Variants in ERN1 observed in about 807,000 individuals in gnomAD.
ERN1 encodes the protein endoplasmic reticulum to nucleus signaling 1.
A neutral mutation model predicts 113.1 loss-of-function variants in ERN1; 39 were observed. That is an observed-to-expected ratio of 0.34 (90% CI 0.27 to 0.45). ERN1 has a LOEUF of 0.45. Ranked by LOEUF, ERN1 falls within the 20% of genes least tolerant of loss-of-function variation. The probability of loss-of-function intolerance (pLI) is 1.00; values close to 1 mark genes in which losing one functional copy is unlikely to be tolerated. For missense variants in ERN1, 976 were observed against 1,274.8 expected, an observed-to-expected ratio of 0.77 and a Z score of 3.57; for synonymous variants, 507 against 515.9, an observed-to-expected ratio of 0.98 and a Z score of 0.23.
intron 1 of ERN1, among the ~76,000 whole-genome samples, chr17:64,127,377 T>C (rs1598096122): frequency 6.6e-6 from 1 of 152,336 alleles, no homozygotes; most frequent in Middle Eastern, 3.4e-3. Context: ...TTACATTTAT[T>C]ATCTATTAAG....
intron 17 of ERN1, among the ~76,000 whole-genome samples, chr17:64,051,609 A>G (rs1298352056): frequency 1.3e-5 from 2 of 152,258 alleles, no homozygotes; most frequent in African/African-American, 4.8e-5. Context: ...ACAAACCAGA[A>G]TGGGGCATCC....
intron 1 of ERN1, among the ~76,000 whole-genome samples, chr17:64,106,733 C>CACAT (rs1299896097): frequency 1.4e-5 from 2 of 142,766 alleles, no homozygotes; most frequent in South Asian, 2.1e-4. Flanking sequence ...CACACACACA[C>CACAT]ACACACACAC....
At chr17:64,079,847 G>T in intron 3 of ERN1, 113 bp from the exon 4 acceptor site, 1 of 776,642 alleles carries the variant, frequency 1.3e-6, no homozygotes, top group Non-Finnish European at 2.2e-6. Flanking sequence ...GTGGTTGTGT[G>T]TAGGTGTATA....
intron 1 of ERN1, among the ~76,000 whole-genome samples, chr17:64,122,148 G>A (rs775384593): frequency 1.3e-5 from 2 of 152,184 alleles, no homozygotes; most frequent in Non-Finnish European, 2.9e-5. Context: ...TTCAAAGGGA[G>A]GTAGGAGGAT....
Position 64,054,681 on chromosome 17 carries a change from C to A in ERN1, c.1763+57G>T. On this transcript the variant is annotated intron_variant, in intron 14 of 21. Coordinates refer to ENST00000433197, the MANE Select transcript of ERN1 (RefSeq NM_001433.5). This position sits in a 1 kb window ranked among gnomAD's most constrained non-coding sequence, Gnocchi z 4.9. ...TCTGAGCCTGGCACCAGGCTCGCAA[C>A]CTGACAGGCACTTAGACACCAGGCG... is the stretch of plus-strand genomic sequence containing the variant. The A allele has an allele frequency of 7.1e-7, 1 of 1,405,156 alleles. No individual in the cohort carries two copies. The highest frequency in any genetic ancestry group is 2.0e-5 in the Admixed American group (1 of 48,974). 87.0% of individuals were successfully genotyped at this position (1,405,156 alleles called of 1,614,324 possible). A position where few individuals can be genotyped will look rare whatever the true frequency, so the allele number is the denominator to read the frequency against.
rs1957309415 is a variant in ERN1, at chr17:64,045,259, G to A, written c.2653+100C>T. ...GTCTCAAACCTGACAGGTGGGATGT[G>A]GGGCCTGAACAGCCTGGAGCGGCCA... On this transcript the variant is annotated intron_variant, in intron 20 of 21. Coordinates refer to ENST00000433197, the MANE Select transcript of ERN1 (RefSeq NM_001433.5). 6 of 1,388,412 alleles carry A rather than the reference G, an allele frequency of 4.3e-6. No homozygotes were observed. In the Admixed American group the frequency reaches 7.3e-5, roughly 17 times the overall value. 86.0% of individuals were successfully genotyped at this position (1,388,412 alleles called of 1,614,324 possible). A position where few individuals can be genotyped will look rare whatever the true frequency, so the allele number is the denominator to read the frequency against.
chr17:64,054,860 A>C lies in ERN1; in HGVS notation c.1673-32T>G. On this transcript the variant is annotated intron_variant, in intron 13 of 21. Coordinates refer to ENST00000433197, the MANE Select transcript of ERN1 (RefSeq NM_001433.5). This position sits in a 1 kb window ranked among gnomAD's most constrained non-coding sequence, Gnocchi z 4.9. ...CAAAATAGGAAAAAGAGATTGTTTC[A>C]AACAGATATCACCTAAAGAACCTTG... 1.3e-6 allele frequency: 2 copies of C among 1,497,876 alleles called. No individual in the cohort carries two copies. The highest frequency in any genetic ancestry group is 1.8e-5 in the Admixed American group (1 of 54,242). The allele number at this position is 1,497,876 out of a possible 1,614,324, so 92.8% of individuals were successfully genotyped here. A position where few individuals can be genotyped will look rare whatever the true frequency, so the allele number is the denominator to read the frequency against.
chr17:64,108,509 A>C (rs1225666125), intron 1 of ERN1, among the ~76,000 whole-genome samples: 3 of 152,176 alleles, frequency 2.0e-5, no homozygotes, highest in African/African-American at 7.2e-5. Context: ...GTCCCTCAGG[A>C]TACCTGGGGA....
chr17:64,044,979 T>C lies in ERN1; in HGVS notation c.2654-52A>G. The stretch of plus-strand genomic sequence containing the variant: ...GGTAATCAAATTTAAAACTAATACA[T>C]TTTAAAAGAAAACAATTCATGGGGT... On this transcript the variant is annotated intron_variant, in intron 20 of 21. Coordinates refer to ENST00000433197, the MANE Select transcript of ERN1 (RefSeq NM_001433.5). The surrounding 1 kb of genome is among the most constrained non-coding windows in gnomAD (Gnocchi z 4.1). The C allele has an allele frequency of 1.5e-6, 2 of 1,307,294 alleles. No homozygotes were observed. Among genetic ancestry groups the C allele is most frequent in the Non-Finnish European group, 2.2e-6 (2 of 923,456 alleles). 81.0% of individuals were successfully genotyped at this position (1,307,294 alleles called of 1,614,324 possible).
intron 1 of ERN1, among the ~76,000 whole-genome samples, chr17:64,101,804 G>A (rs902805908): frequency 1.3e-5 from 2 of 152,126 alleles, no homozygotes; most frequent in Non-Finnish European, 2.9e-5. Context: ...TGAACTAAGT[G>A]CCCCCAAGTA....
intron 18 of ERN1, 106 bp from the exon 19 acceptor site, chr17:64,048,091 C>G: frequency 9.6e-7 from 1 of 1,045,176 alleles, no homozygotes; most frequent in East Asian, 2.6e-5. Flanking sequence ...ATTCTATTTA[C>G]AGGAATTTAT....
intron 2 of ERN1, among the ~76,000 whole-genome samples, chr17:64,096,474 A>G: frequency 6.6e-6 from 1 of 152,206 alleles, no homozygotes; most frequent in East Asian, 1.9e-4. Context: ...TAATTATTTC[A>G]TTCTACATTA....
intron 1 of ERN1, among the ~76,000 whole-genome samples, chr17:64,100,486 T>C (rs1914355847): frequency 6.6e-6 from 1 of 152,044 alleles, no homozygotes; most frequent in African/African-American, 2.4e-5. Context: ...AAAGTGGAAA[T>C]AAGGCCAGGC....
At chr17:64,075,372 G>C in intron 4 of ERN1, 125 bp from the exon 5 acceptor site, 1 of 778,558 alleles carries the variant, frequency 1.3e-6, no homozygotes. Flanking sequence ...TTGCAGATGA[G>C]AGTTTTCCTA....
At chr17:64,125,986 G>A (rs1412207543) in intron 1 of ERN1, among the ~76,000 whole-genome samples, 2 of 152,094 alleles carry the variant, frequency 1.3e-5, no homozygotes, top group East Asian at 3.8e-4. Context: ...AAGATTATAA[G>A]ATATTGATAG....
chr17:64,095,989 G>T (rs573304809), intron 2 of ERN1, among the ~76,000 whole-genome samples: 1 of 152,288 alleles, frequency 6.6e-6, no homozygotes, highest in South Asian at 2.1e-4. Context: ...ACAGGACTCG[G>T]CTGTGTTGAA....
intron 5 of ERN1, 26 bp downstream of exon 5, chr17:64,075,149 A>C: frequency 6.6e-7 from 1 of 1,524,528 alleles, no homozygotes; most frequent in Non-Finnish European, 8.9e-7. Flanking sequence ...AAAGAGACAC[A>C]AGTTTCTGGA....
In ERN1 at chr17:64,044,992, C is replaced by T; in HGVS notation, c.2654-65G>A. 1.7e-6 allele frequency: 2 copies of T among 1,177,880 alleles called. No homozygotes were observed. The highest frequency in any genetic ancestry group is 2.5e-5 in the East Asian group (1 of 39,456). The allele number at this position is 1,177,880 out of a possible 1,614,324, so 73.0% of individuals were successfully genotyped here. A position where few individuals can be genotyped will look rare whatever the true frequency, so the allele number is the denominator to read the frequency against. ...AAAACTAATACATTTTAAAAGAAAA[C>T]AATTCATGGGGTCCTGGGATTAGGG... On this transcript the variant is annotated intron_variant, in intron 20 of 21. Coordinates refer to ENST00000433197, the MANE Select transcript of ERN1 (RefSeq NM_001433.5). The surrounding 1 kb of genome is among the most constrained non-coding windows in gnomAD (Gnocchi z 4.1).
At position 64,054,664 on chromosome 17, in the gene ERN1, T is replaced by C; in HGVS notation, c.1763+74A>G. 1 of 1,262,596 alleles carries C rather than the reference T, an allele frequency of 7.9e-7. No homozygotes were observed. Among genetic ancestry groups the C allele is most frequent in the Non-Finnish European group, 1.1e-6 (1 of 895,952 alleles). The allele number at this position is 1,262,596 out of a possible 1,614,324, so 78.2% of individuals were successfully genotyped here. ...CTTTGACCCTGCTGTGCTCTGAGCC[T>C]GGCACCAGGCTCGCAACCTGACAGG... On this transcript the variant is annotated intron_variant, in intron 14 of 21. Transcript: ENST00000433197. The surrounding 1 kb of genome is among the most constrained non-coding windows in gnomAD (Gnocchi z 4.9).
Sources: allele counts gnomAD v4.1 joint callset (sites outside exome capture counted in the v4.1 genomes callset), GRCh38; gene constraint gnomAD v4.1.1; non-coding constraint Gnocchi (gnomAD v3.1); transcripts MANE v1.5; gene names NCBI Gene and HGNC (gene_info 2026-07-23, HGNC 2026-07-21).